The following DYSF variants were observed in gnomAD, a reference collection of about 807,000 sequenced individuals.
DYSF encodes dystrophy-associated fer-1-like 1.
DYSF carries 212 observed loss-of-function variants against 274.9 expected under a neutral mutation model. The ratio of observed to expected loss-of-function variants is 0.77; its 90% CI spans 0.69 to 0.86. The LOEUF (loss-of-function observed/expected upper bound fraction) is 0.86, where lower values mean the gene tolerates loss of function less well. Ranked by LOEUF, DYSF falls within the 40% of genes least tolerant of loss-of-function variation. The pLI is 0.00. For synonymous variants in DYSF, 1,091 were observed against 1,078.7 expected (o/e 1.01, Z -0.22); for missense variants, 2,666 against 2,783.2 (o/e 0.96, Z 0.95).
At chr2:71,572,546 C>G (rs939803597) in intron 29 of DYSF, among the ~76,000 whole-genome samples, 21 of 152,354 alleles carry the variant, frequency 1.4e-4, no homozygotes, top group Admixed American at 2.6e-4. Flanking sequence ...TGGGGCAGTG[C>G]CCTCGGGAGT....
rs972808685 is a variant in DYSF, at chr2:71,615,018, C to T, written c.4464+1608C>T. 6.6e-6 allele frequency among the ~76,000 whole-genome samples: 1 copy of T among 152,162 alleles called. No homozygotes were observed. Among genetic ancestry groups the T allele is most frequent in the Non-Finnish European group, 1.5e-5 (1 of 68,034 alleles). On this transcript the variant is annotated intron_variant, in intron 40 of 55. Transcript: ENST00000410020. The surrounding 1 kb of genome is among the most constrained non-coding windows in gnomAD (Gnocchi z 4.9). ...TTTCCCGGCTGCTCCATGGGCCTGTCTGAGATTGTGCAGGGAAGTGCAGGG... is the reference window on the plus strand; with the variant it reads ...TTTCCCGGCTGCTCCATGGGCCTGTTTGAGATTGTGCAGGGAAGTGCAGGG...
intron 40 of DYSF, among the ~76,000 whole-genome samples, chr2:71,617,930 G>GGT (rs2093944056): frequency 5.7e-5 from 5 of 88,316 alleles, no homozygotes; most frequent in African/African-American, 1.1e-4. Context: ...GTGTGGTAGA[G>GGT]GTGTGTGTGT....
intron 29 of DYSF, among the ~76,000 whole-genome samples, chr2:71,573,536 C>T (rs1017999380): frequency 1.3e-5 from 2 of 152,186 alleles, no homozygotes; most frequent in Admixed American, 6.5e-5. Context: ...GGGGTGCCTC[C>T]ATAGCTGAGT....
At chr2:71,658,854 A>G (rs752661077) in intron 43 of DYSF, 24 bp from the exon 44 acceptor site, 1 of 1,614,076 alleles carries the variant, frequency 6.2e-7, no homozygotes, top group Non-Finnish European at 8.5e-7. Context: ...ATAAAAATGA[A>G]AATTAACCCT....
chr2:71,513,415 G>C (rs550798129), intron 6 of DYSF, 83 bp downstream of exon 6: 2 of 1,430,728 alleles, frequency 1.4e-6, no homozygotes, highest in East Asian at 2.5e-5. Context: ...TTGCTGGAGC[G>C]GGGCCAGGTG....
intron 7 of DYSF, among the ~76,000 whole-genome samples, chr2:71,515,229 C>G (rs1391033209): frequency 6.6e-6 from 1 of 152,096 alleles, no homozygotes; most frequent in African/African-American, 2.4e-5. Flanking sequence ...GGGGTCACTT[C>G]ACTGTGTAAG....
At chr2:71,662,192 C>T (rs188867613) in intron 45 of DYSF, among the ~76,000 whole-genome samples, 82 of 152,350 alleles carry the variant, frequency 5.4e-4, no homozygotes, top group African/African-American at 1.9e-3. Flanking sequence ...ATGTGTCAGA[C>T]GAACACAACG....
chr2:71,618,651 T>G, intron 40 of DYSF, among the ~76,000 whole-genome samples: 1 of 90,400 alleles, frequency 1.1e-5, no homozygotes, highest in Non-Finnish European at 2.4e-5. Context: ...GTGGTGTGTG[T>G]GGCAGAGGAG....
intron 40 of DYSF, among the ~76,000 whole-genome samples, chr2:71,617,891 A>G (rs1323526580): frequency 5.6e-4 from 12 of 21,582 alleles, no homozygotes; most frequent in Admixed American, 1.2e-3. Context: ...TGTGTGTGGT[A>G]GAGGTGTGTT....
At chr2:71,610,061 CTG>C (rs984246452) in intron 36 of DYSF, among the ~76,000 whole-genome samples, 13 of 152,230 alleles carry the variant, frequency 8.5e-5, no homozygotes. Flanking sequence ...CACAAGGACA[CTG>C]TGTCTAAGGG....
intron 16 of DYSF, 126 bp downstream of exon 16, chr2:71,535,437 C>G: frequency 9.7e-7 from 1 of 1,029,426 alleles, no homozygotes; most frequent in South Asian, 1.3e-5. Flanking sequence ...AGGTAATGTC[C>G]CCTTGGGGTA....
chr2:71,531,244 C>G (rs12987224), intron 14 of DYSF, among the ~76,000 whole-genome samples: 37 of 151,954 alleles, frequency 2.4e-4, no homozygotes, highest in African/African-American at 8.4e-4. Context: ...ACCCTGTTAC[C>G]TCCCCTCTTC....
Position 71,613,357 on chromosome 2 carries a change from G to A in DYSF, c.4411G>A (p.Gly1471Arg). The A allele has an allele frequency of 6.2e-7, 1 of 1,613,398 alleles. No individual in the cohort carries two copies. The highest frequency in any genetic ancestry group is 8.5e-7 in the Non-Finnish European group (1 of 1,179,790). ...GPDDVSLLSPGEDVLIDIDDK... is the reference protein window; with the variant it reads ...GPDDVSLLSPREDVLIDIDDK... ...AGACGATGTGAGCCTACTCAGTCCT[G>A]GGGAAGACGTGCTCATCGACATTGA... The change falls in exon 40 of 56, where the codon GGG becomes AGG. Residue 1471 changes from glycine to arginine, a missense_variant. This residue lies in a region of DYSF where 1,460 missense variants were observed against 1,502.1 expected (regional missense o/e 0.97). Transcript: ENST00000410020.
intron 14 of DYSF, among the ~76,000 whole-genome samples, chr2:71,533,287 TGGGATTAAGG>T (rs1304627796): frequency 1.2e-4 from 18 of 152,266 alleles, no homozygotes; most frequent in Non-Finnish European, 1.5e-5. Context: ...CCCAAAGTGC[TGGGATTAAGG>T]CATGAGCCAC....
chr2:71,659,115 C>T (rs1202659475), intron 44 of DYSF, 82 bp downstream of exon 44: 2 of 1,572,730 alleles, frequency 1.3e-6, no homozygotes, highest in East Asian at 2.2e-5. Context: ...ACAAACTCTG[C>T]CTCAGGGAGT....
chr2:71,510,700 T>C (rs983300587), intron 4 of DYSF, among the ~76,000 whole-genome samples: 1 of 152,194 alleles, frequency 6.6e-6, no homozygotes. Context: ...CCTAACATCA[T>C]TCAGCAGAAA....
Position 71,526,255 on chromosome 2 carries a change from C to T in DYSF, c.1185C>T (p.Asp395=), listed in dbSNP as rs2152748548. 1.2e-6 allele frequency: 2 copies of T among 1,614,250 alleles called. No individual in the cohort carries two copies. Among genetic ancestry groups the T allele is most frequent in the South Asian group, 2.2e-5 (2 of 91,090 alleles). ...ERKDPSEDKE[D]IESNLLRPTG... is the part of the protein sequence containing the mutation. ...AAGACCCCTCTGAAGACAAGGAGGA[C>T]ATTGAAAGCAACCTGCTCCGGCCCA... Residue 395 remains aspartate (D), a synonymous_variant, in exon 13 of 56, where the codon GAC becomes GAT. Coordinates refer to ENST00000410020, the MANE Select transcript of DYSF (RefSeq NM_001130987.2).
At chr2:71,490,667 G>A (rs76924309) in intron 3 of DYSF, among the ~76,000 whole-genome samples, 2,285 of 152,270 alleles carry the variant, frequency 0.015, 22 homozygotes, top group Middle Eastern at 0.031. Context: ...TTATCTACAG[G>A]CATCTGTTTA....
chr2:71,601,453 C>G (rs1413441434), intron 34 of DYSF, 46 bp from the exon 35 acceptor site: 1 of 1,613,714 alleles, frequency 6.2e-7, no homozygotes, highest in Admixed American at 1.7e-5. Flanking sequence ...TGATGGGGGC[C>G]TTAGGTGACA....
Sources: allele counts gnomAD v4.1 joint callset (sites outside exome capture counted in the v4.1 genomes callset), GRCh38; gene constraint gnomAD v4.1.1; regional missense constraint gnomAD v4.1.1; non-coding constraint Gnocchi (gnomAD v3.1); transcripts MANE v1.5; gene names NCBI Gene and HGNC (gene_info 2026-07-23, HGNC 2026-07-21).